Variants in DOK6 observed in about 807,000 individuals in gnomAD.
The protein encoded by DOK6 is docking protein 6, also known as downstream of tyrosine kinase 6.
DOK6 carries 22 observed loss-of-function variants against 44.0 expected under a neutral mutation model. The ratio of observed to expected loss-of-function variants is 0.50; its 90% confidence interval spans 0.36 to 0.71. The LOEUF is 0.71. Ranked by LOEUF, DOK6 falls within the 30% of genes least tolerant of loss-of-function variation. The pLI is 0.00. For synonymous variants in DOK6, 166 were observed against 145.5 expected, an observed-to-expected ratio of 1.14 and a Z score of -1.01; for missense variants, 340 against 416.4, an observed-to-expected ratio of 0.82 and a Z score of 1.60.
In DOK6 at chr18:69,481,098, C is replaced by T. The variant is rs556925446; in HGVS notation, c.66+79788C>T. 2.6e-4 allele frequency among the ~76,000 whole-genome samples: 39 copies of T among 152,228 alleles called. No homozygotes were observed. In the East Asian group the frequency reaches 4.1e-3, roughly 16 times the overall value. ...GCCAAAACCAGCACACACCTTCTGC[C>T]GTCAGGCACTTGGAAGAGAAGGACA... On this transcript the variant is annotated intron_variant, in intron 1 of 7. Coordinates refer to ENST00000382713, the MANE Select transcript of DOK6 (RefSeq NM_152721.6).
Position 69,434,156 on chromosome 18 carries a change from C to T in DOK6, c.66+32846C>T, listed in dbSNP as rs141705166. ...AAAGTGTCTGGGAATCCTGGTGGAGCCAGTAGAAGCAAGGCTGACAGTCAG... is the reference window on the plus strand; with the variant it reads ...AAAGTGTCTGGGAATCCTGGTGGAGTCAGTAGAAGCAAGGCTGACAGTCAG... On this transcript the variant is annotated intron_variant, in intron 1 of 7. Transcript: ENST00000382713. Among the ~76,000 whole-genome samples the T allele has an allele frequency of 6.7e-3, 1,024 of 152,256 alleles. 13 individuals are homozygous for T. Among genetic ancestry groups the T allele is most frequent in the African/African-American group, 0.022 (929 of 41,546 alleles).
chr18:69,835,830 A>G (rs1391805194), intron 7 of DOK6, among the ~76,000 whole-genome samples: 1 of 152,236 alleles, frequency 6.6e-6, no homozygotes, highest in African/African-American at 2.4e-5. Flanking sequence ...AGATTCTAAC[A>G]AAGTAATAAA....
chr18:69,830,237 G>C (rs1227050458), intron 7 of DOK6, among the ~76,000 whole-genome samples: 1 of 152,076 alleles, frequency 6.6e-6, no homozygotes, highest in Non-Finnish European at 1.5e-5. Context: ...ATGAATTAAT[G>C]TCTCCTGATT....
intron 7 of DOK6, among the ~76,000 whole-genome samples, chr18:69,791,577 T>G (rs1980599745): frequency 6.6e-6 from 1 of 152,186 alleles, no homozygotes; most frequent in Non-Finnish European, 1.5e-5. Flanking sequence ...TATCCGGATC[T>G]TTTGCCCATT....
chr18:69,757,753 T>C lies in DOK6; in HGVS notation c.739-3T>C. 1 of 1,613,400 alleles carries C rather than the reference T, an allele frequency of 6.2e-7. No individual in the cohort carries two copies. The stretch of plus-strand genomic sequence containing the variant: ...GCCTAAAACACATTCTTTTCTCTTT[T>C]AGCTTCAGACAAGCTTGACTGAACC... On this transcript the variant is annotated splice_region_variant and splice_polypyrimidine_tract_variant and intron_variant, in intron 6 of 7. Transcript: ENST00000382713.
chr18:69,642,493 T>C (rs1187593061), intron 3 of DOK6, among the ~76,000 whole-genome samples: 1 of 152,180 alleles, frequency 6.6e-6, no homozygotes, highest in South Asian at 2.1e-4. Flanking sequence ...CTTCATCTCT[T>C]AAAACAAAAC....
intron 6 of DOK6, among the ~76,000 whole-genome samples, chr18:69,745,244 A>G (rs1978946219): frequency 6.6e-6 from 1 of 152,174 alleles, no homozygotes; most frequent in African/African-American, 2.4e-5. Flanking sequence ...TCATTGCCTA[A>G]CACAAAATAT....
At chr18:69,539,427 C>T (rs142094869) in intron 1 of DOK6, among the ~76,000 whole-genome samples, 140 of 149,128 alleles carry the variant, frequency 9.4e-4, no homozygotes, top group African/African-American at 3.3e-3. Flanking sequence ...AAAAAGTGAC[C>T]ATACATTTTT....
At chr18:69,492,450 TCAGGGCA>T (rs1980762289) in intron 1 of DOK6, among the ~76,000 whole-genome samples, 3 of 152,122 alleles carry the variant, frequency 2.0e-5, no homozygotes, top group Non-Finnish European at 2.9e-5. Context: ...CACTTTAGGT[TCAGGGCA>T]TAGATGTGCA....
At chr18:69,597,674 A>G (rs1428435103) in intron 2 of DOK6, among the ~76,000 whole-genome samples, 1 of 152,232 alleles carries the variant, frequency 6.6e-6, no homozygotes, top group African/African-American at 2.4e-5. Context: ...TGTCTACAGT[A>G]TGACCACAAA....
intron 1 of DOK6, among the ~76,000 whole-genome samples, chr18:69,509,456 T>A (rs1037660739): frequency 1.3e-4 from 19 of 151,692 alleles, no homozygotes; most frequent in Non-Finnish European, 2.9e-5. Context: ...GCTAACATGG[T>A]GAAACCCCGT....
chr18:69,546,052 C>T lies in DOK6; in HGVS notation c.67-18435C>T, dbSNP rs540213188. Among the ~76,000 whole-genome samples, 13 of 151,128 alleles carry T rather than the reference C, an allele frequency of 8.6e-5. 1 individual carries two copies. In the South Asian group the frequency reaches 1.3e-3, roughly 15 times the overall value. ...TAGTACTTTGGGAGGCCAAGGCGGG[C>T]GGATCACTTAAGGTTGGGAGTTCGA... On this transcript the variant is annotated intron_variant, in intron 1 of 7. Coordinates refer to ENST00000382713, the MANE Select transcript of DOK6 (RefSeq NM_152721.6).
intron 7 of DOK6, among the ~76,000 whole-genome samples, chr18:69,796,446 T>G (rs1980747237): frequency 6.6e-6 from 1 of 152,152 alleles, no homozygotes; most frequent in Non-Finnish European, 1.5e-5. Flanking sequence ...CTATTCACTT[T>G]CACCTCTTTG....
At chr18:69,476,489 G>A (rs574854336) in intron 1 of DOK6, among the ~76,000 whole-genome samples, 101 of 151,740 alleles carry the variant, frequency 6.7e-4, no homozygotes, top group Non-Finnish European at 9.0e-4. Flanking sequence ...CAGAGTTCCC[G>A]GAGGAAATCG....
intron 1 of DOK6, among the ~76,000 whole-genome samples, chr18:69,472,506 A>G (rs1258627495): frequency 6.6e-6 from 1 of 152,168 alleles, no homozygotes; most frequent in Non-Finnish European, 1.5e-5. Flanking sequence ...CATTGTTGCA[A>G]TAGACAAAAG....
chr18:69,455,451 T>C lies in DOK6; in HGVS notation c.66+54141T>C, dbSNP rs1299557932. On this transcript the variant is annotated intron_variant, in intron 1 of 7. Transcript: ENST00000382713. ...CATGTGTGTGTTTGTTTTTAACACA[T>C]AAAGTGAACATTGACTCAACTATTT... Among the ~76,000 whole-genome samples the C allele has an allele frequency of 2.0e-5, 3 of 152,208 alleles. No homozygotes were observed. In the East Asian group the frequency reaches 5.8e-4, roughly 29 times the overall value.
chr18:69,523,130 C>T (rs1165068627), intron 1 of DOK6, among the ~76,000 whole-genome samples: 1 of 152,072 alleles, frequency 6.6e-6, no homozygotes. Context: ...CCAAGTCACT[C>T]TGTGGTGTGT....
intron 7 of DOK6, among the ~76,000 whole-genome samples, chr18:69,760,679 C>G (rs777155900): frequency 5.3e-5 from 8 of 151,208 alleles, no homozygotes; most frequent in Non-Finnish European, 1.0e-4. Flanking sequence ...AGCTGCTGAT[C>G]AGTTTCAGGT....
At chr18:69,471,914 T>C (rs188067023) in intron 1 of DOK6, among the ~76,000 whole-genome samples, 1 of 152,204 alleles carries the variant, frequency 6.6e-6, no homozygotes, top group Admixed American at 6.5e-5. Flanking sequence ...TTTCAAGCAA[T>C]CTGGTTTCTT....
Sources: gnomAD v4.1 joint callset for allele counts (sites outside exome capture counted in the v4.1 genomes callset) on GRCh38, gnomAD v4.1.1 for gene constraint, MANE v1.5 for transcripts, NCBI Gene and HGNC (gene_info 2026-07-23, HGNC 2026-07-21) for gene names.